TCF3: variants seen among roughly 807,000 people sequenced by gnomAD.
The protein encoded by TCF3 is transcription factor 3.
In TCF3, 54 loss-of-function variants were observed where a neutral mutation model predicts 72.3. The ratio of observed to expected loss-of-function variants is 0.75; its 90% CI spans 0.60 to 0.94. The LOEUF is 0.94. Among genes scored for constraint, TCF3 ranks in the 40% least tolerant of loss-of-function variants. The pLI is 0.00. For synonymous variants in TCF3, 525 were observed against 412.6 expected (o/e 1.27, Z -3.30); for missense variants, 1,078 against 934.4 (o/e 1.15, Z -2.00).
At position 1,652,472 on chromosome 19, in the gene TCF3, G is replaced by C. The variant is rs1022215640; in HGVS notation, c.-212C>G. On this transcript the variant is annotated 5_prime_UTR_variant, in exon 1 of 19. Coordinates refer to ENST00000262965, the MANE Select transcript of TCF3 (RefSeq NM_003200.5). ...CCACCCCCGCGTGGCCCGTCCCGCG[G>C]GGCCCGTGCGCGCGGCCGGCCGGGG... 7.0e-6 allele frequency: 1 copy of C among 143,542 alleles called. No individual in the cohort carries two copies. Among genetic ancestry groups the C allele is most frequent in the Non-Finnish European group, 1.5e-5 (1 of 64,660 alleles). 8.9% of individuals were successfully genotyped at this position (143,542 alleles called of 1,614,324 possible).
At chr19:1,642,200 A>G (rs2065382833) in intron 3 of TCF3, among the ~76,000 whole-genome samples, 2 of 150,436 alleles carry the variant, frequency 1.3e-5, no homozygotes, top group African/African-American at 2.4e-5. Context: ...ACACAGACGC[A>G]GACACGCACA....
At chr19:1,632,448 G>A in intron 3 of TCF3, 43 bp from the exon 4 acceptor site, 1 of 1,541,838 alleles carries the variant, frequency 6.5e-7, no homozygotes, top group Non-Finnish European at 8.8e-7. Flanking sequence ...CCTCACGCCT[G>A]CCCAGCTCTA....
At chr19:1,626,160 C>T (rs1353101699) in intron 6 of TCF3, among the ~76,000 whole-genome samples, 1 of 152,174 alleles carries the variant, frequency 6.6e-6, no homozygotes, top group Non-Finnish European at 1.5e-5. Context: ...TGCATTTCAT[C>T]CGTTCTAAGG....
At chr19:1,648,785 C>G (rs1002186085) in intron 2 of TCF3, among the ~76,000 whole-genome samples, 30 of 150,832 alleles carry the variant, frequency 2.0e-4, no homozygotes, top group African/African-American at 7.3e-4. Context: ...CCTCCCCCAA[C>G]CTGTTTCAAC....
Position 1,632,120 on chromosome 19 carries a change from G to A in TCF3, c.220-4C>T. ...AGTGGGTGCCCTCGCTGAAGGTCTA[G>A]GGGAGATGGGGTGGGGATGAGAGGT... On this transcript the variant is annotated splice_polypyrimidine_tract_variant and splice_region_variant and intron_variant, in intron 4 of 18. Coordinates refer to ENST00000262965, the MANE Select transcript of TCF3 (RefSeq NM_003200.5). 6.2e-7 allele frequency: 1 copy of A among 1,612,350 alleles called. No individual in the cohort carries two copies. Among genetic ancestry groups the A allele is most frequent in the Middle Eastern group, 1.7e-4 (1 of 6,036 alleles).
chr19:1,625,962 G>A (rs1217485275), intron 6 of TCF3, among the ~76,000 whole-genome samples: 2 of 152,202 alleles, frequency 1.3e-5, no homozygotes, highest in African/African-American at 4.8e-5. Context: ...AACCCAAGGG[G>A]CTGCTCCCCC....
rs770477195 is a variant in TCF3 at position 1,646,442 on chromosome 19, G to A, written c.73-15C>T. 5.2e-6 allele frequency: 8 copies of A among 1,549,646 alleles called. No homozygotes were observed. The highest frequency in any genetic ancestry group is 7.0e-6 in the Non-Finnish European group (8 of 1,146,392). ...AGCGGGAACATCTGCAGGGAGGGGA[G>A]GGGAGACGTGAGCGGGGCGGGTGGC... is the stretch of plus-strand genomic sequence containing the variant. On this transcript the variant is annotated splice_polypyrimidine_tract_variant and intron_variant, in intron 2 of 18. Transcript: ENST00000262965.
chr19:1,645,956 G>C (rs1355853643), intron 3 of TCF3, among the ~76,000 whole-genome samples: 1 of 152,132 alleles, frequency 6.6e-6, no homozygotes, highest in Non-Finnish European at 1.5e-5. Flanking sequence ...GTGGGATCCA[G>C]TGAGAGCCGG....
At chr19:1,617,876 G>C (rs2061714520) in intron 16 of TCF3, among the ~76,000 whole-genome samples, 1 of 152,138 alleles carries the variant, frequency 6.6e-6, no homozygotes. Flanking sequence ...CCTCAGCCCT[G>C]ACAACTGTAG....
At chr19:1,646,218 C>A in intron 3 of TCF3, 137 bp downstream of exon 3, 3 of 950,588 alleles carry the variant, frequency 3.2e-6, no homozygotes, top group Non-Finnish European at 4.7e-6. Flanking sequence ...AGGCTCGCTG[C>A]CCCCGACCCG....
chr19:1,642,321 G>GAC (rs145416641), intron 3 of TCF3, among the ~76,000 whole-genome samples: 1 of 151,854 alleles, frequency 6.6e-6, no homozygotes, highest in Non-Finnish European at 1.5e-5. Context: ...CGCACACACA[G>GAC]ACACACACAC....
At chr19:1,637,399 A>G (rs2064585219) in intron 3 of TCF3, among the ~76,000 whole-genome samples, 1 of 152,178 alleles carries the variant, frequency 6.6e-6, no homozygotes, top group Admixed American at 6.5e-5. Flanking sequence ...CGCTCCCCCA[A>G]GGCCCTGGGG....
At chr19:1,635,116 C>T (rs550115161) in intron 3 of TCF3, among the ~76,000 whole-genome samples, 9 of 152,310 alleles carry the variant, frequency 5.9e-5, no homozygotes, top group East Asian at 1.9e-4. Context: ...CCCTGTGTAC[C>T]GCCCCTGCCA....
chr19:1,626,605 G>C (rs1013948056), intron 6 of TCF3, among the ~76,000 whole-genome samples: 7 of 152,188 alleles, frequency 4.6e-5, no homozygotes, highest in Non-Finnish European at 1.0e-4. Context: ...GGGAGCGCCA[G>C]AGAGCAGGGC....
Position 1,632,076 on chromosome 19 carries a change from C to G in TCF3, c.260G>C (p.Ser87Thr), listed in dbSNP as rs1378286181. The G allele has an allele frequency of 2.5e-6, 4 of 1,613,378 alleles. No homozygotes were observed. Among genetic ancestry groups the G allele is most frequent in the African/African-American group, 1.3e-5 (1 of 74,910 alleles). Residue 87 changes from serine (S) to threonine (T), a missense_variant, in exon 5 of 19, where the codon AGC (serine) becomes ACC (threonine). Transcript: ENST00000262965. ...EGTHFTESHS[S>T]LSSSTFLGPG... ...TCCCAGGAATGTGGATGAAGAGAGG[C>G]TGCTGTGCGACTCAGTGAAGTGGGT...
chr19:1,639,828 G>A (rs1462284550), intron 3 of TCF3, among the ~76,000 whole-genome samples: 2 of 151,336 alleles, frequency 1.3e-5, no homozygotes, highest in Non-Finnish European at 2.9e-5. Context: ...CCAATGGGAT[G>A]GGGTTCACGG....
At chr19:1,638,664 G>A (rs571103501) in intron 3 of TCF3, among the ~76,000 whole-genome samples, 7 of 152,346 alleles carry the variant, frequency 4.6e-5, no homozygotes, top group South Asian at 4.1e-4. Flanking sequence ...TTGAGAGCGC[G>A]AGAAACGGCG....
At chr19:1,639,262 T>C (rs377358339) in intron 3 of TCF3, among the ~76,000 whole-genome samples, 4 of 152,334 alleles carry the variant, frequency 2.6e-5, no homozygotes, top group African/African-American at 9.6e-5. Flanking sequence ...CAGGCTGGTC[T>C]TGAACTCCTG....
chr19:1,640,004 A>G (rs913141552), intron 3 of TCF3, among the ~76,000 whole-genome samples: 1 of 152,220 alleles, frequency 6.6e-6, no homozygotes, highest in African/African-American at 2.4e-5. Flanking sequence ...CAGATTCTCC[A>G]GAAGAAAAAT....
Sources: gnomAD v4.1 joint callset for allele counts (sites outside exome capture counted in the v4.1 genomes callset) on GRCh38, gnomAD v4.1.1 for gene constraint, MANE v1.5 for transcripts, NCBI Gene and HGNC (gene_info 2026-07-23, HGNC 2026-07-21) for gene names.